SBK1: variants seen among roughly 807,000 people sequenced by gnomAD.
SBK1 encodes serine/threonine-protein kinase SBK1.
A neutral mutation model predicts 24.4 loss-of-function variants in SBK1; 11 were observed. The observed-to-expected ratio is 0.45, with a 90% CI of 0.28 to 0.75. The LOEUF (loss-of-function observed/expected upper bound fraction) is 0.75, where lower values mean the gene tolerates loss of function less well. Ranked by LOEUF, SBK1 falls within the 30% of genes least tolerant of loss-of-function variation. The pLI is 0.12. For missense variants in SBK1, 467 were observed against 620.5 expected (o/e 0.75, Z 2.63); for synonymous variants, 308 against 284.4 (o/e 1.08, Z -0.83).
At chr16:28,284,169 TA>T (rs1444514578) in intron 1 of SBK1, among the ~76,000 whole-genome samples, 32 of 152,370 alleles carry the variant, frequency 2.1e-4, no homozygotes, top group Non-Finnish European at 5.9e-5. Flanking sequence ...TGGGATCACC[TA>T]CCAAACAAAC....
intron 1 of SBK1, among the ~76,000 whole-genome samples, chr16:28,274,119 T>C (rs990229232): frequency 5.9e-5 from 9 of 152,184 alleles, no homozygotes; most frequent in Non-Finnish European, 1.3e-4. Context: ...CTATTCTGTA[T>C]GATACTGGGA....
At chr16:28,302,003 T>G (rs973036255) in intron 1 of SBK1, among the ~76,000 whole-genome samples, 26 of 152,218 alleles carry the variant, frequency 1.7e-4, no homozygotes, top group African/African-American at 6.3e-4. Flanking sequence ...GGTCTGTATT[T>G]GTGTTGAGGA....
chr16:28,304,293 C>A (rs1418681378), intron 1 of SBK1, among the ~76,000 whole-genome samples: 1 of 152,186 alleles, frequency 6.6e-6, no homozygotes, highest in African/African-American at 2.4e-5. Flanking sequence ...GAACCTCCCC[C>A]AGCCTCGCAC....
chr16:28,264,551 A>T (rs1161260693), intron 1 of SBK1, among the ~76,000 whole-genome samples: 1 of 151,666 alleles, frequency 6.6e-6, no homozygotes, highest in East Asian at 1.9e-4. Context: ...CAGCCTGGGC[A>T]ATAGAGCGAG....
chr16:28,268,511 C>A (rs1323094087), intron 1 of SBK1, among the ~76,000 whole-genome samples: 4 of 151,688 alleles, frequency 2.6e-5, no homozygotes, highest in African/African-American at 9.7e-5. Context: ...ACCTGTAATC[C>A]CAGCACTTTG....
chr16:28,318,861 C>G, intron 2 of SBK1, 134 bp from the exon 3 acceptor site: 2 of 742,050 alleles, frequency 2.7e-6, no homozygotes, highest in Non-Finnish European at 4.8e-6. Context: ...TGGGTCTGTT[C>G]CCATCCGTGA....
rs1372117652 is a variant in SBK1 at position 28,320,830 on chromosome 16, C to T, written c.1184C>T (p.Ala395Val). 6.8e-7 allele frequency: 1 copy of T among 1,462,556 alleles called. No individual in the cohort carries two copies. Among genetic ancestry groups the T allele is most frequent in the South Asian group, 1.2e-5 (1 of 80,624 alleles). The allele number at this position is 1,462,556 out of a possible 1,614,324, so 90.6% of individuals were successfully genotyped here. A position where few individuals can be genotyped will look rare whatever the true frequency, so the allele number is the denominator to read the frequency against. Residue 395 changes from alanine to valine, a missense_variant, in exon 4 of 4, where the codon GCT (alanine) becomes GTT (valine). By Grantham distance (64) the Ala-to-Val change is moderately conservative. Coordinates refer to ENST00000341901, the MANE Select transcript of SBK1 (RefSeq NM_001024401.3). This position sits in a 1 kb window ranked among gnomAD's most constrained non-coding sequence, Gnocchi z 8.5. ...VPVPVPEPGL[A>V]PQGPPGRTDG... Reference sequence around the variant, plus strand: ...GTGCCTGTGCCCGAGCCCGGCCTAGCTCCCCAGGGGCCCCCCGGCCGGACC... The same window carrying T: ...GTGCCTGTGCCCGAGCCCGGCCTAGTTCCCCAGGGGCCCCCCGGCCGGACC...
rs1408260646 is a variant in SBK1 at position 28,319,252 on chromosome 16, G to C, written c.429+55G>C. The C allele has an allele frequency of 2.9e-6, 4 of 1,360,096 alleles. No individual in the cohort carries two copies. The highest frequency in any genetic ancestry group is 1.4e-5 in the African/African-American group (1 of 69,822). 84.3% of individuals were successfully genotyped at this position (1,360,096 alleles called of 1,614,324 possible). ...AAGGGTCTTCAGGGTCCCAGAGTGTGAGAGTGGGAGTGGAGTCAGACCATT... is the reference window on the plus strand; with the variant it reads ...AAGGGTCTTCAGGGTCCCAGAGTGTCAGAGTGGGAGTGGAGTCAGACCATT... On this transcript the variant is annotated intron_variant, in intron 3 of 3. Transcript: ENST00000341901. The surrounding 1 kb of genome is among the most constrained non-coding windows in gnomAD (Gnocchi z 4.0).
chr16:28,306,100 G>A (rs1053322565), intron 1 of SBK1, among the ~76,000 whole-genome samples: 1 of 152,134 alleles, frequency 6.6e-6, no homozygotes, highest in African/African-American at 2.4e-5. Context: ...GACTTGTTCA[G>A]AGATGAACAA....
In SBK1 at chr16:28,274,762, A is replaced by G. The variant is rs140775012; in HGVS notation, c.257+15260A>G. On this transcript the variant is annotated intron_variant, in intron 1 of 3. Coordinates refer to the SBK1 transcript ENST00000671413. The stretch of plus-strand genomic sequence containing the variant: ...AGAAAGGAATCATAGTGTTCCACAC[A>G]GAGCTGTAAATAACGTTTCCACAAT... Among the ~76,000 whole-genome samples the G allele has an allele frequency of 4.0e-3, 612 of 152,334 alleles. 1 individual carries two copies. Among genetic ancestry groups the G allele is most frequent in the African/African-American group, 0.014 (580 of 41,570 alleles).
chr16:28,262,109 G>T (rs2044401415), intron 1 of SBK1, among the ~76,000 whole-genome samples: 1 of 152,222 alleles, frequency 6.6e-6, no homozygotes, highest in Admixed American at 6.5e-5. Flanking sequence ...AGCCAGTGCT[G>T]GCTGGGGAGG....
At chr16:28,282,868 G>A (rs1390214088) in intron 1 of SBK1, among the ~76,000 whole-genome samples, 1 of 152,162 alleles carries the variant, frequency 6.6e-6, no homozygotes, top group East Asian at 1.9e-4. Context: ...TATAGTGACT[G>A]TATGGGACAG....
chr16:28,287,752 C>T (rs1031673934), upstream of SBK1, among the ~76,000 whole-genome samples: 2 of 152,216 alleles, frequency 1.3e-5, no homozygotes, highest in Admixed American at 1.3e-4. Flanking sequence ...CAACCTCTGC[C>T]TCTCCAGTTC....
rs1280992117 is a variant in SBK1 at position 28,320,803 on chromosome 16, C to G, written c.1157C>G (p.Pro386Arg). The change falls in exon 4 of 4, where the codon CCG (proline) becomes CGG (arginine). Residue 386 changes from proline to arginine, a missense_variant. Physicochemically the swap from Pro to Arg is moderately radical, Grantham distance 103 (BLOSUM62 -2). Coordinates refer to ENST00000341901, the MANE Select transcript of SBK1 (RefSeq NM_001024401.3). The surrounding 1 kb of genome is among the most constrained non-coding windows in gnomAD (Gnocchi z 8.5). Reference protein sequence around the residue: ...PVPVPVPVPVPVPVPEPGLAP... With the variant: ...PVPVPVPVPVRVPVPEPGLAP... ...CCGGTGCCGGTGCCAGTGCCCGTGC[C>G]GGTGCCTGTGCCCGAGCCCGGCCTA... 6.9e-7 allele frequency: 1 copy of G among 1,439,028 alleles called. No individual in the cohort carries two copies. Among genetic ancestry groups the G allele is most frequent in the Non-Finnish European group, 9.1e-7 (1 of 1,094,540 alleles). 89.1% of individuals were successfully genotyped at this position (1,439,028 alleles called of 1,614,324 possible).
At chr16:28,293,353 T>C (rs1050607320) in intron 1 of SBK1, 53 bp downstream of exon 1, 2 of 867,028 alleles carry the variant, frequency 2.3e-6, no homozygotes, top group Non-Finnish European at 2.8e-6. Flanking sequence ...GAGGTCCCCA[T>C]AGCCCTGCAG....
chr16:28,292,394 G>C (rs898373403), upstream of SBK1: 2 of 320,646 alleles, frequency 6.2e-6, no homozygotes. Flanking sequence ...CGGGCGCGCG[G>C]CGGGTGAGCG....
upstream of SBK1, among the ~76,000 whole-genome samples, chr16:28,289,144 G>A (rs909150376): frequency 2.0e-5 from 3 of 152,164 alleles, no homozygotes; most frequent in Non-Finnish European, 2.9e-5. Flanking sequence ...GCAAAAAGAG[G>A]AAAGTGCTCT....
intron 1 of SBK1, among the ~76,000 whole-genome samples, chr16:28,312,872 G>A (rs1426704904): frequency 6.6e-6 from 1 of 152,106 alleles, no homozygotes; most frequent in Non-Finnish European, 1.5e-5. Context: ...GGTGGCTCAC[G>A]CCTATAACCC....
intron 1 of SBK1, among the ~76,000 whole-genome samples, chr16:28,275,088 G>A (rs1163682310): frequency 6.6e-6 from 1 of 152,230 alleles, no homozygotes; most frequent in Admixed American, 6.5e-5. Flanking sequence ...CACTTTGGGA[G>A]GCCGAGGCAG....
Sources: gnomAD v4.1 joint callset for allele counts (sites outside exome capture counted in the v4.1 genomes callset) on GRCh38, gnomAD v4.1.1 for gene constraint, Gnocchi (gnomAD v3.1) non-coding constraint, MANE v1.5 for transcripts, NCBI Gene and HGNC (gene_info 2026-07-23, HGNC 2026-07-21) for gene names.